CDH12: variants seen among roughly 807,000 people sequenced by gnomAD.
CDH12 encodes cadherin-12.
A neutral mutation model predicts 74.1 loss-of-function variants in CDH12; 41 were observed. The observed-to-expected ratio is 0.55, with a 90% CI of 0.43 to 0.72. CDH12 has a LOEUF of 0.72. Among genes scored for constraint, CDH12 ranks in the 30% least tolerant of loss-of-function variants. The pLI is 0.00. For synonymous variants in CDH12, 399 were observed against 355.0 expected, an observed-to-expected ratio of 1.12 and a Z score of -1.39; for missense variants, 945 against 977.2, an observed-to-expected ratio of 0.97 and a Z score of 0.44.
rs1019711188 is a variant in CDH12, at chr5:22,491,872, T to G, written c.-428+13398A>C. Among the ~76,000 whole-genome samples, 29 of 152,312 alleles carry G rather than the reference T, an allele frequency of 1.9e-4. 1 individual carries two copies. The highest frequency in any genetic ancestry group is 5.1e-4 in the African/African-American group (21 of 41,562). On this transcript the variant is annotated intron_variant, in intron 2 of 14. Transcript: ENST00000382254. The stretch of plus-strand genomic sequence containing the variant: ...AAAGGGCTGTTCGACTTCTCTGGTT[T>G]GTAGATGACCGTCTTCTCCTGTCTT...
At chr5:21,833,210 ATATATATTATATGT>A (rs1749248240) in intron 8 of CDH12, among the ~76,000 whole-genome samples, 1 of 40,266 alleles carries the variant, frequency 2.5e-5, no homozygotes, top group Non-Finnish European at 3.4e-5. Context: ...ATATATTATA[ATATATATTATATGT>A]TATATAACAT....
At chr5:21,942,596 A>G (rs1180359744) in intron 6 of CDH12, among the ~76,000 whole-genome samples, 4 of 151,926 alleles carry the variant, frequency 2.6e-5, no homozygotes, top group African/African-American at 7.3e-5. Context: ...GTATCCATAT[A>G]TGTATATACA....
At chr5:22,692,445 T>C (rs1467659957) in intron 1 of CDH12, among the ~76,000 whole-genome samples, 1 of 152,146 alleles carries the variant, frequency 6.6e-6, no homozygotes, top group Non-Finnish European at 1.5e-5. Context: ...TTTTGTTTAA[T>C]TCATGTCTAT....
intron 13 of CDH12, among the ~76,000 whole-genome samples, chr5:21,760,056 T>C (rs549774240): frequency 6.6e-6 from 1 of 152,262 alleles, no homozygotes; most frequent in South Asian, 2.1e-4. Flanking sequence ...ATGGTGTATA[T>C]ATATGTACCA....
chr5:22,131,159 C>A (rs1174039734), intron 4 of CDH12, among the ~76,000 whole-genome samples: 1 of 152,040 alleles, frequency 6.6e-6, no homozygotes, highest in East Asian at 1.9e-4. Context: ...CATTCATGTA[C>A]AACTCTATGT....
chr5:22,083,959 A>G (rs1002714210), intron 4 of CDH12, among the ~76,000 whole-genome samples: 2 of 152,088 alleles, frequency 1.3e-5, no homozygotes, highest in African/African-American at 4.8e-5. Context: ...AAATTAGGAG[A>G]TTTAAGCTAT....
At chr5:22,690,044 C>T (rs78324829) in intron 1 of CDH12, among the ~76,000 whole-genome samples, 17,952 of 152,024 alleles carry the variant, frequency 0.12, 1,393 homozygotes, top group Admixed American at 0.2. Flanking sequence ...GGAGGAATTA[C>T]TTTTCTGAAA....
At chr5:22,251,408 A>G (rs1308085593) in intron 3 of CDH12, among the ~76,000 whole-genome samples, 7 of 152,206 alleles carry the variant, frequency 4.6e-5, no homozygotes, top group Non-Finnish European at 5.9e-5. Flanking sequence ...TGAATTTGTA[A>G]AAACACCAGT....
intron 3 of CDH12, among the ~76,000 whole-genome samples, chr5:22,309,251 A>G (rs1036743202): frequency 7.2e-5 from 11 of 152,200 alleles, no homozygotes; most frequent in Non-Finnish European, 1.3e-4. Flanking sequence ...CAGATTAGTA[A>G]AGAACAGAAG....
chr5:21,799,053 C>T (rs1746965462), intron 10 of CDH12, among the ~76,000 whole-genome samples: 2 of 152,088 alleles, frequency 1.3e-5, no homozygotes, highest in Non-Finnish European at 2.9e-5. Context: ...ATTCTGTCCT[C>T]CCAAATAACA....
chr5:22,016,750 A>C (rs1737635129), intron 5 of CDH12, among the ~76,000 whole-genome samples: 1 of 152,102 alleles, frequency 6.6e-6, no homozygotes, highest in Non-Finnish European at 1.5e-5. Flanking sequence ...CTTGCACAGC[A>C]ACTCTTGGAT....
rs1233721356 is a variant in CDH12, at chr5:21,950,762, TA to T, written c.526+24328del. ...ATCAGCTACATAAATTTTATTTTAT[TA>T]TTATTATTATTATTATTATTATTAT... is the stretch of plus-strand genomic sequence containing the variant. On this transcript the variant is annotated intron_variant, in intron 6 of 14. Coordinates refer to ENST00000382254, the MANE Select transcript of CDH12 (RefSeq NM_004061.5). Among the ~76,000 whole-genome samples, 806 of 87,758 alleles carry T rather than the reference TA, an allele frequency of 9.2e-3. 3 individuals are homozygous for T. The highest frequency in any genetic ancestry group is 0.011 in the Non-Finnish European group (556 of 49,536). 57.6% of individuals were successfully genotyped at this position (87,758 alleles called of 152,430 possible).
rs1009352100 is a variant in CDH12 at position 21,818,486 on chromosome 5, T to C, written c.815-1354A>G. ...TTTCACAATCAGTTTCAAAACTTGG[T>C]AATTTCATTAGCATGGGAAGCAGTT... is the stretch of plus-strand genomic sequence containing the variant. On this transcript the variant is annotated intron_variant, in intron 8 of 14. Transcript: ENST00000382254. Among the ~76,000 whole-genome samples, 7 of 151,968 alleles carry C rather than the reference T, an allele frequency of 4.6e-5. 1 individual carries two copies. Among genetic ancestry groups the C allele is most frequent in the Admixed American group, 4.6e-4 (7 of 15,228 alleles).
At chr5:22,318,463 G>A (rs1738722526) in intron 3 of CDH12, among the ~76,000 whole-genome samples, 1 of 152,184 alleles carries the variant, frequency 6.6e-6, no homozygotes, top group Admixed American at 6.5e-5. Context: ...GAAATGTGCA[G>A]GGGGAGGCTC....
At chr5:22,126,027 C>A (rs545218159) in intron 4 of CDH12, among the ~76,000 whole-genome samples, 1 of 148,278 alleles carries the variant, frequency 6.7e-6, no homozygotes, top group South Asian at 2.1e-4. Flanking sequence ...CTACAAACTG[C>A]TTTAATATTG....
At chr5:22,314,909 A>C (rs1220492767) in intron 3 of CDH12, among the ~76,000 whole-genome samples, 1 of 149,770 alleles carries the variant, frequency 6.7e-6, no homozygotes, top group Non-Finnish European at 1.5e-5. Flanking sequence ...TCAAGTGGAT[A>C]AAAGCAGAAA....
chr5:21,905,999 A>G lies in CDH12; in HGVS notation c.527-51209T>C, dbSNP rs569124394. ...TTATATTTAGAAGAAAAGAAGGAAG[A>G]ATATAAAGGAGAAAGACAATAGAAA... On this transcript the variant is annotated intron_variant, in intron 6 of 14. Transcript: ENST00000382254. Among the ~76,000 whole-genome samples, 14 of 152,320 alleles carry G rather than the reference A, an allele frequency of 9.2e-5. No homozygotes were observed. In the South Asian group the frequency reaches 2.9e-3, roughly 32 times the overall value.
At chr5:22,576,134 C>T (rs891047707) in intron 1 of CDH12, among the ~76,000 whole-genome samples, 24 of 152,272 alleles carry the variant, frequency 1.6e-4, no homozygotes, top group African/African-American at 5.8e-4. Flanking sequence ...GATATACAAA[C>T]CTAAAAGTTA....
chr5:22,656,859 A>G (rs1191021577), intron 1 of CDH12, among the ~76,000 whole-genome samples: 1 of 152,152 alleles, frequency 6.6e-6, no homozygotes, highest in African/African-American at 2.4e-5. Flanking sequence ...AAAGAGAGAG[A>G]CAGGGCCTTG....
Sources: allele counts gnomAD v4.1 joint callset (sites outside exome capture counted in the v4.1 genomes callset), GRCh38; gene constraint gnomAD v4.1.1; transcripts MANE v1.5; gene names NCBI Gene and HGNC (gene_info 2026-07-23, HGNC 2026-07-21).